TRPM3: variants seen among roughly 807,000 people sequenced by gnomAD.
TRPM3 encodes transient receptor potential cation channel subfamily M member 3.
Under a neutral mutation model 181.2 loss-of-function variants are expected in TRPM3, and 77 were observed. The ratio of observed to expected loss-of-function variants is 0.42; its 90% CI spans 0.35 to 0.51. TRPM3 has a LOEUF of 0.51. Among genes scored for constraint, TRPM3 ranks in the 20% least tolerant of loss-of-function variants. TRPM3 has a pLI of 0.01. For missense variants in TRPM3, 1,759 were observed against 2,196.7 expected (o/e 0.80, Z 3.98); for synonymous variants, 745 against 796.4 (o/e 0.94, Z 1.09).
intron 3 of TRPM3, among the ~76,000 whole-genome samples, chr9:70,856,579 C>G (rs1400606579): frequency 6.6e-6 from 1 of 152,110 alleles, no homozygotes; most frequent in Non-Finnish European, 1.5e-5. Context: ...CTGCTGACAG[C>G]CTCCCCCTGC....
chr9:70,741,235 G>GA lies in TRPM3; in HGVS notation c.1272+20365dup, dbSNP rs561037178. Among the ~76,000 whole-genome samples the GA allele has an allele frequency of 3.3e-3, 506 of 152,192 alleles. 2 individuals are homozygous for GA. The highest frequency in any genetic ancestry group is 0.011 in the African/African-American group (454 of 41,528). The stretch of plus-strand genomic sequence containing the variant: ...ATGCTCAGCATCACTAATTAAAAGG[G>GA]AAATGCAAATCAAAACCACAATGCA... On this transcript the variant is annotated intron_variant, in intron 8 of 25. Coordinates refer to ENST00000677713, the MANE Select transcript of TRPM3 (RefSeq NM_001366145.2).
At chr9:71,350,876 G>T (rs948799930) in intron 1 of TRPM3, among the ~76,000 whole-genome samples, 2 of 152,178 alleles carry the variant, frequency 1.3e-5, no homozygotes, top group African/African-American at 4.8e-5. Flanking sequence ...AACTGGTGTG[G>T]AAGATATTTT....
intron 1 of TRPM3, among the ~76,000 whole-genome samples, chr9:71,220,871 T>C (rs1187747390): frequency 6.6e-6 from 1 of 151,732 alleles, no homozygotes; most frequent in Non-Finnish European, 1.5e-5. Context: ...CCTCCTGGGC[T>C]CCCACAGCAC....
chr9:71,114,082 T>C (rs1307156385), intron 1 of TRPM3, among the ~76,000 whole-genome samples: 3 of 152,224 alleles, frequency 2.0e-5, no homozygotes, highest in African/African-American at 7.2e-5. Context: ...ATGTAAAATG[T>C]AGGAATTCTT....
At chr9:70,834,191 GC>G (rs932854388) in intron 5 of TRPM3, among the ~76,000 whole-genome samples, 30 of 152,276 alleles carry the variant, frequency 2.0e-4, no homozygotes, top group African/African-American at 7.2e-4. Context: ...TCCAAAGACT[GC>G]CCAGATACAT....
rs2041471866 is a variant in TRPM3 at position 70,535,294 on chromosome 9, T to A, written c.*659A>T. The A allele has an allele frequency of 1.1e-6, 1 of 940,578 alleles. No homozygotes were observed. The highest frequency in any genetic ancestry group is 1.6e-6 in the Non-Finnish European group (1 of 629,266). 58.3% of individuals were successfully genotyped at this position (940,578 alleles called of 1,614,324 possible). On this transcript the variant is annotated 3_prime_UTR_variant, in exon 26 of 26. Transcript: ENST00000677713. The stretch of plus-strand genomic sequence containing the variant: ...TTTTCTTCAAAAAAGGATAAACAGT[T>A]GTGGCACCAGAAGTGAATAGATAAG...
At chr9:71,280,131 T>C (rs993271553) in intron 1 of TRPM3, among the ~76,000 whole-genome samples, 1 of 151,398 alleles carries the variant, frequency 6.6e-6, no homozygotes, top group African/African-American at 2.4e-5. Context: ...TATTGTGTAA[T>C]GTAAAACCAA....
chr9:71,015,225 ATTGGTCCT>A (rs1053134080), intron 1 of TRPM3, among the ~76,000 whole-genome samples: 7 of 152,160 alleles, frequency 4.6e-5, no homozygotes, highest in Admixed American at 4.6e-4. Flanking sequence ...TTGCATGCAA[ATTGGTCCT>A]TCAGTTGAAT....
chr9:71,074,469 AC>A (rs2133607861), intron 1 of TRPM3, among the ~76,000 whole-genome samples: 1 of 152,314 alleles, frequency 6.6e-6, no homozygotes, highest in South Asian at 2.1e-4. Context: ...TGGGCAGCAG[AC>A]TTCAGCATCA....
chr9:70,995,839 A>G (rs1196127057), intron 1 of TRPM3, among the ~76,000 whole-genome samples: 1 of 152,146 alleles, frequency 6.6e-6, no homozygotes, highest in Non-Finnish European at 1.5e-5. Context: ...TATTTACTTA[A>G]CTGTCCCGTC....
chr9:71,180,307 G>T (rs1180452098), intron 1 of TRPM3, among the ~76,000 whole-genome samples: 1 of 151,956 alleles, frequency 6.6e-6, no homozygotes, highest in Non-Finnish European at 1.5e-5. Context: ...CACCCACCTT[G>T]GCCTCCCAAA....
chr9:71,025,056 G>A (rs963682826), intron 1 of TRPM3, among the ~76,000 whole-genome samples: 20 of 152,194 alleles, frequency 1.3e-4, no homozygotes, highest in African/African-American at 4.3e-4. Context: ...CCATTGTAAT[G>A]TGAATCTAAC....
At position 71,443,505 on chromosome 9, in the gene TRPM3, A is replaced by G. The variant is rs116126493; in HGVS notation, c.183+3148T>C. 9.6e-3 allele frequency among the ~76,000 whole-genome samples: 1,469 copies of G among 152,262 alleles called. 27 individuals carry two copies. Among genetic ancestry groups the G allele is most frequent in the African/African-American group, 0.034 (1,393 of 41,546 alleles). ...AGCACTGCTTCTGCCTGTCACCAGA[A>G]CAGAAGCAGATCCAAGTGGGCAGTG... On this transcript the variant is annotated intron_variant, in intron 1 of 24. Coordinates refer to the TRPM3 transcript ENST00000357533.
At chr9:71,199,117 T>C (rs1423691798) in intron 1 of TRPM3, among the ~76,000 whole-genome samples, 8 of 149,522 alleles carry the variant, frequency 5.4e-5, no homozygotes, top group Admixed American at 1.3e-4. Context: ...CTTTTCTGCA[T>C]CTATTGAGAT....
chr9:70,845,555 T>C (rs1345954610), intron 4 of TRPM3, among the ~76,000 whole-genome samples: 1 of 152,198 alleles, frequency 6.6e-6, no homozygotes, highest in Admixed American at 6.5e-5. Flanking sequence ...TAATGTGTTA[T>C]TTAAAACTAA....
In TRPM3 at chr9:70,828,544, TTAGGTGGAAATCTTGAA is replaced by T. The variant is rs527511818; in HGVS notation, c.802-543_802-527del. On this transcript the variant is annotated intron_variant, in intron 5 of 25. Transcript: ENST00000677713. ...ACATTATTCTTACTAGATACCTTATTTAGGTGGAAATCTTGAATATAAAATAATTGTCTCATGAGATA... is the reference window on the plus strand; with the variant it reads ...ACATTATTCTTACTAGATACCTTATTTATAAAATAATTGTCTCATGAGATA... Among the ~76,000 whole-genome samples the T allele has an allele frequency of 1.4e-4, 22 of 152,172 alleles. 1 individual carries two copies. In the East Asian group the frequency reaches 2.9e-3, roughly 20 times the overall value.
Position 71,361,123 on chromosome 9 carries a change from A to T in TRPM3, c.183+85530T>A, listed in dbSNP as rs7869538. Among the ~76,000 whole-genome samples, 1,462 of 152,200 alleles carry T rather than the reference A, an allele frequency of 9.6e-3. 23 individuals are homozygous for T. Among genetic ancestry groups the T allele is most frequent in the African/African-American group, 0.033 (1,376 of 41,502 alleles). ...TGCCTCAGCCTCCCAAGTAGCTGGG[A>T]TTACAGGTGTGCACCACCACGCCCA... On this transcript the variant is annotated intron_variant, in intron 1 of 24. Coordinates refer to the TRPM3 transcript ENST00000357533.
intron 1 of TRPM3, among the ~76,000 whole-genome samples, chr9:71,100,213 C>T (rs770547962): frequency 9.2e-5 from 14 of 152,074 alleles, no homozygotes; most frequent in Non-Finnish European, 1.6e-4. Context: ...ATTTAATCAA[C>T]TACAATAACT....
intron 1 of TRPM3, among the ~76,000 whole-genome samples, chr9:71,190,122 C>G (rs547678792): frequency 6.6e-6 from 1 of 151,780 alleles, no homozygotes; most frequent in African/African-American, 2.4e-5. Flanking sequence ...TGTCTAAAAG[C>G]GTATGGGCTC....
Sources: gnomAD v4.1 joint callset for allele counts (sites outside exome capture counted in the v4.1 genomes callset) on GRCh38, gnomAD v4.1.1 for gene constraint, MANE v1.5 for transcripts, NCBI Gene and HGNC (gene_info 2026-07-23, HGNC 2026-07-21) for gene names.